The following HSPA8 variants were observed in gnomAD, a reference collection of about 807,000 sequenced individuals.
HSPA8 encodes the protein heat shock cognate 71 kDa protein.
Under a neutral mutation model 52.8 loss-of-function variants are expected in HSPA8, and 2 were observed. The observed-to-expected ratio is 0.04, with a 90% CI of 0.02 to 0.12. The LOEUF (loss-of-function observed/expected upper bound fraction) is 0.12, where lower values mean the gene tolerates loss of function less well. Among genes scored for constraint, HSPA8 ranks in the 10% least tolerant of loss-of-function variants. The pLI is 1.00. For missense variants in HSPA8, 349 were observed against 800.5 expected (o/e 0.44, Z 6.81); for synonymous variants, 436 against 274.0 (o/e 1.59, Z -5.84).
In HSPA8 at chr11:123,060,762, G is replaced by A; in HGVS notation, c.242C>T (p.Ala81Val). 1 of 1,613,976 alleles carries A rather than the reference G, an allele frequency of 6.2e-7. No individual in the cohort carries two copies. Among genetic ancestry groups the A allele is most frequent in the Non-Finnish European group, 8.5e-7 (1 of 1,180,000 alleles). The stretch of plus-strand genomic sequence containing the variant: ...ATGTTTCATATCAGACTGGACAACA[G>A]CATCATCAAATCTGCGTCCAATCAG... ...KRLIGRRFDD[A>V]VVQSDMKHWP... Residue 81 changes from alanine (A) to valine (V), a missense_variant, in exon 3 of 9, where the codon GCT (alanine) becomes GTT (valine). By Grantham distance (64) the Ala-to-Val change is moderately conservative (BLOSUM62 0). Transcript: ENST00000534624.
intron 6 of HSPA8, 112 bp from the exon 7 acceptor site, chr11:123,058,942 A>C (rs189446113): frequency 1.4e-6 from 2 of 1,396,742 alleles, no homozygotes; most frequent in South Asian, 1.2e-5. Context: ...ACTGGCCAAC[A>C]TAAGACTTTC....
chr11:123,060,528 C>G, intron 3 of HSPA8, 65 bp downstream of exon 3: 3 of 1,223,404 alleles, frequency 2.5e-6, no homozygotes, highest in Non-Finnish European at 3.6e-6. Context: ...GGTGCCAGTG[C>G]CCCCGGGAGT....
rs1591441400 is a variant in HSPA8 at position 123,062,101 on chromosome 11, A to C, written c.-43T>G. 1 of 152,802 alleles carries C rather than the reference A, an allele frequency of 6.5e-6. No homozygotes were observed. 9.5% of individuals were successfully genotyped at this position (152,802 alleles called of 1,614,324 possible). A position where few individuals can be genotyped will look rare whatever the true frequency, so the allele number is the denominator to read the frequency against. On this transcript the variant is annotated 5_prime_UTR_variant, in exon 1 of 9. Transcript: ENST00000534624. ...CCTGGCTCCAATAACGAAGGAAGCCACAAAAAACCCAAGAGCTGCAGGCGA... is the reference window on the plus strand; with the variant it reads ...CCTGGCTCCAATAACGAAGGAAGCCCCAAAAAACCCAAGAGCTGCAGGCGA...
upstream of HSPA8, chr11:123,062,450 C>G (rs560821489): frequency 1.3e-5 from 2 of 152,282 alleles, no homozygotes; most frequent in African/African-American, 2.4e-5. Context: ...CTCAGTTACC[C>G]CGGGCGGGGG....
chr11:123,060,361 T>C (rs1865455656), intron 3 of HSPA8, 93 bp from the exon 4 acceptor site: 1 of 1,243,744 alleles, frequency 8.0e-7, no homozygotes, highest in African/African-American at 1.6e-5. Context: ...AAAGAACAGC[T>C]GGAGCACCCC....
At chr11:123,060,049 AT>A in intron 4 of HSPA8, 21 bp from the exon 5 acceptor site, 2 of 1,612,748 alleles carry the variant, frequency 1.2e-6, no homozygotes, top group Non-Finnish European at 1.7e-6. Context: ...AAACAATCTC[AT>A]TTAAATTTAC....
intron 2 of HSPA8, 156 bp downstream of exon 2, chr11:123,060,962 GCC>G (rs1865480622): frequency 2.3e-6 from 2 of 881,490 alleles, no homozygotes; most frequent in South Asian, 3.4e-5. Flanking sequence ...CCAGATTTCA[GCC>G]TGAAAGGTTT....
Position 123,058,613 on chromosome 11 carries a change from G to T in HSPA8, c.1522+19C>A. The T allele has an allele frequency of 6.2e-7, 1 of 1,601,272 alleles. No homozygotes were observed. Among genetic ancestry groups the T allele is most frequent in the Non-Finnish European group, 8.6e-7 (1 of 1,168,878 alleles). On this transcript the variant is annotated intron_variant, in intron 7 of 8. Transcript: ENST00000534624. Reference sequence around the variant, plus strand: ...AATACCATTATCCCTGTCAAGACCAGATGACAGTGCCTCCTTACCCTTGTC... The same window carrying T: ...AATACCATTATCCCTGTCAAGACCATATGACAGTGCCTCCTTACCCTTGTC...
intron 1 of HSPA8, 128 bp from the exon 2 acceptor site, chr11:123,061,457 G>A (rs1402712949): frequency 5.6e-6 from 4 of 708,762 alleles, no homozygotes; most frequent in African/African-American, 3.6e-5. Context: ...ATCACCTCCT[G>A]TCTAAGCACG....
chr11:123,059,822 CTT>C lies in HSPA8; in HGVS notation c.769_770del (p.Lys257GlufsTer11), dbSNP rs1227586853. ...CAGTACGGAGGCGTCTTACAGCTCT[CTT>C]GTTCTCACTGATGTCCTTCTTATGC... ...RKHKKDISEN[K>X]RAVRRLRTAC... is the part of the protein sequence containing the mutation. On this transcript the variant is annotated frameshift_variant, in exon 5 of 9. Transcript: ENST00000534624. LOFTEE classifies it high-confidence loss of function. 6.2e-7 allele frequency: 1 copy of C among 1,613,600 alleles called. No homozygotes were observed. Among genetic ancestry groups the C allele is most frequent in the African/African-American group, 1.3e-5 (1 of 74,888 alleles).
chr11:123,059,300 A>G (rs1485185122), intron 5 of HSPA8, 39 bp from the exon 6 acceptor site: 1 of 1,556,578 alleles, frequency 6.4e-7, no homozygotes, highest in East Asian at 2.3e-5. Context: ...AAGTTAAAAG[A>G]AAACCCAGTA....
chr11:123,058,513 G>A (rs113288257), intron 7 of HSPA8, 29 bp from the exon 8 acceptor site: 18,325 of 1,602,132 alleles, frequency 0.011, 137 homozygotes, highest in Middle Eastern at 0.022. Flanking sequence ...CTAAGTAAAA[G>A]CCTTAAATTA....
intron 6 of HSPA8, 107 bp downstream of exon 6, chr11:123,058,942 ATAAGACTTTC>A: frequency 7.2e-7 from 1 of 1,396,862 alleles, no homozygotes; most frequent in Non-Finnish European, 1.0e-6. Flanking sequence ...ACTGGCCAAC[ATAAGACTTTC>A]TGGTGGAAAC....
chr11:123,059,483 A>C lies in HSPA8; in HGVS notation c.1110T>G (p.Ala370=), dbSNP rs1449055300. 6.2e-7 allele frequency: 1 copy of C among 1,613,164 alleles called. No homozygotes were observed. Among genetic ancestry groups the C allele is most frequent in the East Asian group, 2.2e-5 (1 of 44,888 alleles). The change falls in exon 5 of 9, where the codon GCT becomes GCG. Residue 370 remains alanine, a synonymous_variant. Coordinates refer to ENST00000534624, the MANE Select transcript of HSPA8 (RefSeq NM_006597.6). ...AGATACCATTGTTACCTGCACCATA[A>C]GCAACAGCTTCATCAGGGTTGATGC... ...NKSINPDEAV[A]YGAAVQAAIL...
At chr11:123,060,925 G>C (rs543787154) in intron 2 of HSPA8, 127 bp from the exon 3 acceptor site, 2 of 942,622 alleles carry the variant, frequency 2.1e-6, no homozygotes, top group Admixed American at 2.3e-5. Context: ...AGGTAGCAAA[G>C]GTTCAAACTT....
chr11:123,059,341 A>G, intron 5 of HSPA8, 80 bp from the exon 6 acceptor site: 1 of 1,396,268 alleles, frequency 7.2e-7, no homozygotes, highest in Non-Finnish European at 1.0e-6. Flanking sequence ...TCACTCGCTC[A>G]GACATCCAAG....
At chr11:123,061,054 T>G in intron 2 of HSPA8, 66 bp downstream of exon 2, 1 of 1,402,372 alleles carries the variant, frequency 7.1e-7, no homozygotes, top group Non-Finnish European at 1.0e-6. Context: ...CCTCCTCACG[T>G]TTCATAAACT....
chr11:123,057,626 T>C lies in HSPA8; in HGVS notation c.*108A>G. 1.3e-6 allele frequency: 1 copy of C among 791,702 alleles called. No homozygotes were observed. The highest frequency in any genetic ancestry group is 1.8e-5 in the South Asian group (1 of 55,576). 49.0% of individuals were successfully genotyped at this position (791,702 alleles called of 1,614,324 possible). A position where few individuals can be genotyped will look rare whatever the true frequency, so the allele number is the denominator to read the frequency against. ...TCAAGTATTGAGAATGCCCAGTAAC[T>C]TACTATAGCAGCTTAACTTTTTAAA... On this transcript the variant is annotated 3_prime_UTR_variant, in exon 9 of 9. Coordinates refer to ENST00000534624, the MANE Select transcript of HSPA8 (RefSeq NM_006597.6).
chr11:123,057,722 C>T lies in HSPA8; in HGVS notation c.*12G>A. ...AATGTGTGGAACAATGCTACATCTACACTTGGTTGGCTTAATCAACCTCTT... is the reference window on the plus strand; with the variant it reads ...AATGTGTGGAACAATGCTACATCTATACTTGGTTGGCTTAATCAACCTCTT... On this transcript the variant is annotated 3_prime_UTR_variant, in exon 9 of 9. Transcript: ENST00000534624. The T allele has an allele frequency of 6.3e-7, 1 of 1,595,550 alleles. No individual in the cohort carries two copies. Among genetic ancestry groups the T allele is most frequent in the Middle Eastern group, 2.0e-4 (1 of 5,074 alleles).
Sources: gnomAD v4.1 joint callset for allele counts on GRCh38, gnomAD v4.1.1 for gene constraint, MANE v1.5 for transcripts, NCBI Gene and HGNC (gene_info 2026-07-23, HGNC 2026-07-21) for gene names.